The following KATNB1 variants were observed in gnomAD, a reference collection of about 807,000 sequenced individuals.
The protein encoded by KATNB1 is katanin regulatory subunit B1.
KATNB1 carries 38 observed loss-of-function variants against 82.3 expected under a neutral mutation model. That is an observed-to-expected ratio of 0.46 (90% CI 0.36 to 0.61). The LOEUF (loss-of-function observed/expected upper bound fraction) is 0.61, where lower values mean the gene tolerates loss of function less well. Ranked by LOEUF, KATNB1 falls within the 20% of genes least tolerant of loss-of-function variation. The pLI is 0.00. For missense variants in KATNB1, 749 were observed against 915.7 expected, an observed-to-expected ratio of 0.82 and a Z score of 2.35; for synonymous variants, 361 against 368.7, an observed-to-expected ratio of 0.98 and a Z score of 0.24.
intron 2 of KATNB1, 32 bp from the exon 3 acceptor site, chr16:57,741,655 C>T (rs782413788): frequency 1.9e-6 from 3 of 1,598,654 alleles, no homozygotes; most frequent in Middle Eastern, 1.7e-4. Flanking sequence ...TCGGGCCGCC[C>T]TGATGGCCTC....
rs1567901131 is a variant in KATNB1, at chr16:57,751,834, C to T, written c.517-106C>T. The T allele has an allele frequency of 7.1e-7, 1 of 1,400,574 alleles. No individual in the cohort carries two copies. Among genetic ancestry groups the T allele is most frequent in the African/African-American group, 1.4e-5 (1 of 70,776 alleles). The allele number at this position is 1,400,574 out of a possible 1,614,324, so 86.8% of individuals were successfully genotyped here. On this transcript the variant is annotated intron_variant, in intron 7 of 19. Transcript: ENST00000379661. The surrounding 1 kb of genome is among the most constrained non-coding windows in gnomAD (Gnocchi z 6.3). ...TCGGGCTCACATGTCCCAAGCCTAT[C>T]CCGAGTGGAAGGTAGCTTGTGGATA... is the stretch of plus-strand genomic sequence containing the variant.
In KATNB1 at chr16:57,751,141, G is replaced by A. The variant is rs957340283; in HGVS notation, c.391-120G>A. The stretch of plus-strand genomic sequence containing the variant: ...GTGAGCAGTTTCTGTCCTTGTCTCC[G>A]TGGGGAGTAACGACCTAGAGAAGGC... On this transcript the variant is annotated intron_variant, in intron 5 of 19. Transcript: ENST00000379661. The surrounding 1 kb of genome is among the most constrained non-coding windows in gnomAD (Gnocchi z 6.3). 3.6e-5 allele frequency: 36 copies of A among 996,268 alleles called. No homozygotes were observed. The highest frequency in any genetic ancestry group is 6.6e-5 in the South Asian group (5 of 75,206). The allele number at this position is 996,268 out of a possible 1,614,324, so 61.7% of individuals were successfully genotyped here. A position where few individuals can be genotyped will look rare whatever the true frequency, so the allele number is the denominator to read the frequency against.
intron 8 of KATNB1, 82 bp downstream of exon 8, chr16:57,752,137 C>G (rs1280045208): frequency 2.4e-5 from 21 of 870,952 alleles, no homozygotes; most frequent in African/African-American, 8.3e-5. Context: ...TACTGCCGGT[C>G]TGTCGCTGTC....
chr16:57,738,652 G>A (rs1319239774), intron 2 of KATNB1, among the ~76,000 whole-genome samples: 1 of 152,160 alleles, frequency 6.6e-6, no homozygotes, highest in African/African-American at 2.4e-5. Flanking sequence ...TGAGAGGTTT[G>A]GGCCATTTTC....
At chr16:57,756,104 G>T in intron 18 of KATNB1, 38 bp downstream of exon 18, 1 of 1,592,898 alleles carries the variant, frequency 6.3e-7, no homozygotes, top group Non-Finnish European at 8.5e-7. Flanking sequence ...GAAGCAGGGG[G>T]AGGGGAGAGG....
At position 57,756,895 on chromosome 16, in the gene KATNB1, CCATGG is replaced by C; in HGVS notation, c.1920_1924del (p.His640GlnfsTer61). 6.4e-7 allele frequency: 1 copy of C among 1,554,056 alleles called. No individual in the cohort carries two copies. Among genetic ancestry groups the C allele is most frequent in the Non-Finnish European group, 8.7e-7 (1 of 1,148,598 alleles). On this transcript the variant is annotated frameshift_variant, in exon 20 of 20. Transcript: ENST00000379661. LOFTEE classifies it high-confidence loss of function. ...AGAGCAAGTCAGGCCTGAGCGGCCG[CCATGG>C]CAGTACCTTCCGCGAGCTGCACCTG...
intron 2 of KATNB1, among the ~76,000 whole-genome samples, chr16:57,740,764 G>C (rs1041238230): frequency 2.1e-4 from 32 of 152,140 alleles, no homozygotes; most frequent in African/African-American, 7.2e-4. Flanking sequence ...GTCTGCACAG[G>C]CTCCTCCTCT....
intron 2 of KATNB1, among the ~76,000 whole-genome samples, chr16:57,737,797 A>G (rs919714833): frequency 3.3e-5 from 5 of 152,200 alleles, no homozygotes; most frequent in Non-Finnish European, 2.9e-5. Flanking sequence ...CCATTGCCCT[A>G]TACAAGTGGA....
At position 57,755,825 on chromosome 16, in the gene KATNB1, T is replaced by C. The variant is rs2049271773; in HGVS notation, c.1567-16T>C. The C allele has an allele frequency of 1.9e-6, 3 of 1,573,298 alleles. No individual in the cohort carries two copies. Among genetic ancestry groups the C allele is most frequent in the Non-Finnish European group, 2.6e-6 (3 of 1,152,434 alleles). On this transcript the variant is annotated splice_polypyrimidine_tract_variant and intron_variant, in intron 16 of 19. Coordinates refer to ENST00000379661, the MANE Select transcript of KATNB1 (RefSeq NM_005886.3). ...TCCCCCACTGCCCCACCCCTGACGG[T>C]GCTCTGTTTGCACAGACGTCGGTGG... is the stretch of plus-strand genomic sequence containing the variant.
chr16:57,740,165 A>G (rs1325671560), intron 2 of KATNB1, among the ~76,000 whole-genome samples: 3 of 152,072 alleles, frequency 2.0e-5, no homozygotes, highest in Admixed American at 1.3e-4. Context: ...TCGAGACGGG[A>G]CTAAAGTGGG....
chr16:57,744,417 A>C lies in KATNB1; in HGVS notation c.195A>C (p.Pro65=). ...AGAGCCTGACGGGCCACACATCCCCAGTGGAGAGCGTCCGCCTCAACACCC... is the reference window on the plus strand; with the variant it reads ...AGAGCCTGACGGGCCACACATCCCCCGTGGAGAGCGTCCGCCTCAACACCC... The part of the protein sequence containing the change: ...CIMSLTGHTS[P]VESVRLNTPE... Residue 65 remains proline, a synonymous_variant, in exon 4 of 20, where the codon CCA becomes CCC. Transcript: ENST00000379661. 5 of 1,613,720 alleles carry C rather than the reference A, an allele frequency of 3.1e-6. No homozygotes were observed. Among genetic ancestry groups the C allele is most frequent in the Non-Finnish European group, 4.2e-6 (5 of 1,179,982 alleles).
At chr16:57,736,768 C>T in intron 1 of KATNB1, 1 of 345,670 alleles carries the variant, frequency 2.9e-6, no homozygotes, top group Admixed American at 3.8e-5. Flanking sequence ...TTATCCTGGC[C>T]TCTGGGAGGA....
chr16:57,745,307 AGTTCG>A (rs1567898146), intron 4 of KATNB1, among the ~76,000 whole-genome samples: 5 of 66,874 alleles, frequency 7.5e-5, no homozygotes, highest in Non-Finnish European at 1.6e-4. Flanking sequence ...TGAGGTTGGG[AGTTCG>A]AGACCAGCCT....
At chr16:57,753,846 C>T in intron 12 of KATNB1, 99 bp from the exon 13 acceptor site, 2 of 1,149,938 alleles carry the variant, frequency 1.7e-6, no homozygotes, top group East Asian at 2.4e-5. Flanking sequence ...AGCCGCATGC[C>T]TGGGAGCTAC....
intron 18 of KATNB1, 79 bp downstream of exon 18, chr16:57,756,145 A>G: frequency 6.7e-7 from 1 of 1,495,052 alleles, no homozygotes; most frequent in Non-Finnish European, 9.2e-7. Flanking sequence ...CATGGGAAGG[A>G]CCCCCAAGAG....
chr16:57,746,284 G>A (rs13330846), intron 4 of KATNB1, among the ~76,000 whole-genome samples: 11,637 of 152,212 alleles, frequency 0.076, 510 homozygotes, highest in South Asian at 0.14. Context: ...GGGAGGGGCC[G>A]GTGTTGTTCT....
chr16:57,756,973 C>A lies in KATNB1; in HGVS notation c.*27C>A. The A allele has an allele frequency of 6.7e-7, 1 of 1,488,272 alleles. No homozygotes were observed. The highest frequency in any genetic ancestry group is 9.0e-7 in the Non-Finnish European group (1 of 1,113,222). The allele number at this position is 1,488,272 out of a possible 1,614,324, so 92.2% of individuals were successfully genotyped here. Reference sequence around the variant, plus strand: ...GAAAGCAGTGGGCAGGGGCGCTCGGCAGCCCACAGGGCCTGGCCTCAGCCC... The same window carrying A: ...GAAAGCAGTGGGCAGGGGCGCTCGGAAGCCCACAGGGCCTGGCCTCAGCCC... On this transcript the variant is annotated 3_prime_UTR_variant, in exon 20 of 20. Transcript: ENST00000379661.
At chr16:57,747,478 G>C (rs1344482895) in intron 4 of KATNB1, among the ~76,000 whole-genome samples, 1 of 152,244 alleles carries the variant, frequency 6.6e-6, no homozygotes, top group Non-Finnish European at 1.5e-5. Context: ...GATGCACGCA[G>C]CCTCTTCAGT....
chr16:57,755,250 C>T lies in KATNB1; in HGVS notation c.1416+12C>T. The T allele has an allele frequency of 1.9e-6, 3 of 1,610,588 alleles. No individual in the cohort carries two copies. Among genetic ancestry groups the T allele is most frequent in the South Asian group, 2.2e-5 (2 of 91,048 alleles). ...CCGACTTCCTGCCCGTGAGTAGGAG[C>T]CCAGCTCGAGGCATGGGTGGAGGTC... On this transcript the variant is annotated intron_variant, in intron 15 of 19. Transcript: ENST00000379661.
Sources: allele counts gnomAD v4.1 joint callset (sites outside exome capture counted in the v4.1 genomes callset), GRCh38; gene constraint gnomAD v4.1.1; non-coding constraint Gnocchi (gnomAD v3.1); transcripts MANE v1.5; gene names NCBI Gene and HGNC (gene_info 2026-07-23, HGNC 2026-07-21).